GRM8: variants seen among roughly 807,000 people sequenced by gnomAD.
GRM8 encodes the protein metabotropic glutamate receptor 8.
Under a neutral mutation model 87.2 loss-of-function variants are expected in GRM8, and 47 were observed. That is an observed-to-expected ratio of 0.54 (90% CI 0.43 to 0.69). The LOEUF (loss-of-function observed/expected upper bound fraction) is 0.69. Among genes scored for constraint, GRM8 ranks in the 30% least tolerant of loss-of-function variants. The probability of loss-of-function intolerance (pLI) is 0.00; values close to 1 mark genes in which losing one functional copy is unlikely to be tolerated. For synonymous variants in GRM8, 396 were observed against 404.5 expected (o/e 0.98, Z 0.25); for missense variants, 1,019 against 1,139.2 (o/e 0.89, Z 1.52).
At chr7:126,786,688 C>T (rs901071570) in intron 6 of GRM8, among the ~76,000 whole-genome samples, 1 of 152,160 alleles carries the variant, frequency 6.6e-6, no homozygotes, top group Non-Finnish European at 1.5e-5. Flanking sequence ...ATTCTATAAC[C>T]TATCATGTTC....
At chr7:126,732,402 T>C (rs1469591722) in intron 7 of GRM8, among the ~76,000 whole-genome samples, 1 of 152,184 alleles carries the variant, frequency 6.6e-6, no homozygotes, top group Non-Finnish European at 1.5e-5. Flanking sequence ...ACATTCTTTT[T>C]ATTCTTTTGA....
chr7:126,513,053 T>C (rs993748226), intron 9 of GRM8, among the ~76,000 whole-genome samples: 2 of 152,180 alleles, frequency 1.3e-5, no homozygotes, highest in African/African-American at 4.8e-5. Flanking sequence ...AGAGTTTTCC[T>C]ATCATTACCA....
At chr7:127,123,654 C>A (rs2133191756) in intron 2 of GRM8, among the ~76,000 whole-genome samples, 1 of 152,196 alleles carries the variant, frequency 6.6e-6, no homozygotes, top group Non-Finnish European at 1.5e-5. Context: ...TCCTTTATAG[C>A]CATACAAAAT....
At chr7:126,536,704 ACCTAAGGGACT>A (rs1190475796) in intron 8 of GRM8, among the ~76,000 whole-genome samples, 1 of 152,002 alleles carries the variant, frequency 6.6e-6, no homozygotes, top group Non-Finnish European at 1.5e-5. Context: ...TAACTTTACA[ACCTAAGGGACT>A]CATAAGATAA....
At chr7:127,135,361 C>A (rs1455344263) in intron 2 of GRM8, among the ~76,000 whole-genome samples, 1 of 151,744 alleles carries the variant, frequency 6.6e-6, no homozygotes, top group Non-Finnish European at 1.5e-5. Context: ...CAAAAATGTT[C>A]AAAATTTTAG....
chr7:126,582,725 G>C (rs1193173218), intron 8 of GRM8, among the ~76,000 whole-genome samples: 2 of 151,978 alleles, frequency 1.3e-5, no homozygotes, highest in Non-Finnish European at 2.9e-5. Context: ...AAAAACCTAG[G>C]GCCCTTTAGA....
chr7:126,924,518 C>T lies in GRM8; in HGVS notation c.728-19835G>A, dbSNP rs150036545. ...TCTTCTAGTAACAGGTTTTTCTCAC[C>T]CTCTACCAACTCATATCCACAATCC... On this transcript the variant is annotated intron_variant, in intron 3 of 10. Transcript: ENST00000339582. Among the ~76,000 whole-genome samples, 57 of 152,188 alleles carry T rather than the reference C, an allele frequency of 3.7e-4. 1 individual carries two copies. Among genetic ancestry groups the T allele is most frequent in the African/African-American group, 1.3e-3 (53 of 41,530 alleles).
chr7:126,777,856 C>T (rs1167293847), intron 6 of GRM8, among the ~76,000 whole-genome samples: 1 of 152,094 alleles, frequency 6.6e-6, no homozygotes, highest in Non-Finnish European at 1.5e-5. Context: ...CATAAAATGG[C>T]TGAAATTCCC....
intron 9 of GRM8, among the ~76,000 whole-genome samples, chr7:126,451,995 G>T (rs1802662827): frequency 6.6e-6 from 1 of 151,616 alleles, no homozygotes. Context: ...AAAATTCCAT[G>T]AATATTGGGA....
intron 7 of GRM8, among the ~76,000 whole-genome samples, chr7:126,707,018 T>A (rs987012022): frequency 2.0e-5 from 3 of 152,136 alleles, no homozygotes; most frequent in African/African-American, 4.8e-5. Context: ...ACATAAATAT[T>A]CCTGGCTGGG....
chr7:126,945,771 G>T (rs1223496288), intron 3 of GRM8, among the ~76,000 whole-genome samples: 4 of 152,100 alleles, frequency 2.6e-5, no homozygotes, highest in Non-Finnish European at 5.9e-5. Context: ...ATATTATAAA[G>T]TCTACCTAGA....
At chr7:126,992,840 T>TGTG (rs1812804882) in intron 3 of GRM8, among the ~76,000 whole-genome samples, 7 of 151,924 alleles carry the variant, frequency 4.6e-5, no homozygotes, top group Admixed American at 4.6e-4. Context: ...TGTGTGTGTG[T>TGTG]GTGTGTGTGT....
chr7:126,743,326 T>G (rs1449880735), intron 7 of GRM8, among the ~76,000 whole-genome samples: 5 of 152,248 alleles, frequency 3.3e-5, no homozygotes, highest in Admixed American at 1.3e-4. Flanking sequence ...ACCACTCATT[T>G]TTAAATATTT....
intron 3 of GRM8, among the ~76,000 whole-genome samples, chr7:127,078,874 T>C (rs149814716): frequency 3.0e-4 from 46 of 152,358 alleles, no homozygotes; most frequent in African/African-American, 8.9e-4. Flanking sequence ...CATTAAGTAA[T>C]AGAATTTCAA....
At chr7:126,534,631 T>TA (rs1815396382) in intron 8 of GRM8, among the ~76,000 whole-genome samples, 2 of 152,308 alleles carry the variant, frequency 1.3e-5, no homozygotes, top group East Asian at 3.9e-4. Flanking sequence ...TTCAGGGCCT[T>TA]AAAATCCAAC....
chr7:126,926,781 T>A (rs1048358138), intron 3 of GRM8, among the ~76,000 whole-genome samples: 3 of 152,194 alleles, frequency 2.0e-5, no homozygotes, highest in Non-Finnish European at 4.4e-5. Context: ...GCAAGATGCC[T>A]TTCAAGGGTC....
intron 6 of GRM8, among the ~76,000 whole-genome samples, chr7:126,808,590 C>A (rs541116267): frequency 6.6e-6 from 1 of 152,176 alleles, no homozygotes; most frequent in African/African-American, 2.4e-5. Context: ...AAACATACAA[C>A]ATAGGTGGTA....
chr7:126,814,409 T>C (rs1401182644), intron 6 of GRM8, among the ~76,000 whole-genome samples: 3 of 152,088 alleles, frequency 2.0e-5, no homozygotes, highest in African/African-American at 7.2e-5. Flanking sequence ...CTTGGATTCA[T>C]GTTTCATAAC....
intron 7 of GRM8, among the ~76,000 whole-genome samples, chr7:126,646,306 A>AAGGAAG (rs1554436859): frequency 1.5e-3 from 52 of 35,796 alleles, no homozygotes; most frequent in African/African-American, 4.0e-3. Flanking sequence ...AAGGAAGGAA[A>AAGGAAG]GAAGGAAGGA....
Sources: gnomAD v4.1 joint callset for allele counts (sites outside exome capture counted in the v4.1 genomes callset) on GRCh38, gnomAD v4.1.1 for gene constraint, MANE v1.5 for transcripts, NCBI Gene and HGNC (gene_info 2026-07-23, HGNC 2026-07-21) for gene names.